The following WWOX variants were observed in gnomAD, a reference collection of about 807,000 sequenced individuals.
WWOX encodes the protein WW domain containing oxidoreductase.
Under a neutral mutation model 46.2 loss-of-function variants are expected in WWOX, and 69 were observed. The observed-to-expected ratio is 1.49, with a 90% CI of 1.23 to 1.82. The LOEUF is 1.82. Among genes scored for constraint, WWOX ranks in the 40% most tolerant of loss-of-function variants. WWOX has a pLI of 0.00. For missense variants in WWOX, 919 were observed against 542.6 expected, an observed-to-expected ratio of 1.69 and a Z score of -6.89; for synonymous variants, 359 against 202.6, an observed-to-expected ratio of 1.77 and a Z score of -6.56.
rs1262275069 is a variant in WWOX at position 78,425,000 on chromosome 16, G to A, written c.736G>A (p.Val246Ile). ...HFYLVQLLQD[V>I]LCRSAPARVI... is the part of the protein sequence containing the mutation. ...CTACCTTGTCCAGCTCCTCCAGGAT[G>A]TTTTGTGCCGCTCAGCTCCTGCCCG... Residue 246 changes from valine to isoleucine, a missense_variant, in exon 7 of 9, where the codon GTT (valine) becomes ATT (isoleucine). Transcript: ENST00000566780. 1.2e-6 allele frequency: 2 copies of A among 1,614,132 alleles called. No homozygotes were observed. The highest frequency in any genetic ancestry group is 1.7e-6 in the Non-Finnish European group (2 of 1,180,024).
At chr16:79,007,884 G>T (rs1033003201) in intron 8 of WWOX, among the ~76,000 whole-genome samples, 2 of 152,162 alleles carry the variant, frequency 1.3e-5, no homozygotes, top group African/African-American at 4.8e-5. Flanking sequence ...AAAGCACTGT[G>T]CATGCAAATG....
intron 8 of WWOX, among the ~76,000 whole-genome samples, chr16:79,157,001 G>C (rs8048787): frequency 0.21 from 32,049 of 152,068 alleles, 7,315 homozygotes; most frequent in African/African-American, 0.58. Context: ...GGCCCTTGTT[G>C]TAGAAGAATG....
intron 5 of WWOX, among the ~76,000 whole-genome samples, chr16:78,299,396 A>C (rs530966576): frequency 6.6e-6 from 1 of 152,162 alleles, no homozygotes; most frequent in Non-Finnish European, 1.5e-5. Flanking sequence ...AATGAAAACA[A>C]CCAAGAATAG....
intron 8 of WWOX, chr16:78,891,115 T>A (rs989033268): frequency 6.6e-6 from 1 of 152,208 alleles, no homozygotes; most frequent in Non-Finnish European, 1.5e-5. Context: ...AGATAATTTT[T>A]CTCAAAACTG....
chr16:78,107,068 T>C (rs993018246), intron 1 of WWOX, among the ~76,000 whole-genome samples: 2 of 152,256 alleles, frequency 1.3e-5, no homozygotes, highest in Non-Finnish European at 1.5e-5. Flanking sequence ...ATTCGTGCTC[T>C]CTGTATTTAT....
intron 8 of WWOX, among the ~76,000 whole-genome samples, chr16:79,103,860 G>A (rs2049251945): frequency 6.6e-6 from 1 of 152,240 alleles, no homozygotes. Context: ...ACATCTGCCT[G>A]TAGATACACT....
chr16:78,982,413 G>T (rs113819059), intron 8 of WWOX, among the ~76,000 whole-genome samples: 235 of 152,282 alleles, frequency 1.5e-3, no homozygotes, highest in African/African-American at 5.2e-3. Context: ...TGGTAAGCTG[G>T]CCCCAACCAA....
intron 8 of WWOX, among the ~76,000 whole-genome samples, chr16:78,720,148 C>A (rs535886170): frequency 1.3e-5 from 2 of 152,220 alleles, no homozygotes; most frequent in African/African-American, 4.8e-5. Flanking sequence ...TCCTTCTTGC[C>A]CTAATTTTAA....
At chr16:78,835,732 G>T (rs1308414409) in intron 8 of WWOX, among the ~76,000 whole-genome samples, 1 of 152,176 alleles carries the variant, frequency 6.6e-6, no homozygotes, top group African/African-American at 2.4e-5. Flanking sequence ...AGCAAACTAG[G>T]CTCCAGGGAG....
intron 8 of WWOX, among the ~76,000 whole-genome samples, chr16:78,967,796 G>A (rs560117443): frequency 1.3e-5 from 2 of 152,212 alleles, no homozygotes; most frequent in Admixed American, 6.5e-5. Context: ...AATCTTTGGG[G>A]TGTGTAAGAG....
At chr16:78,722,521 T>C (rs527833622) in intron 8 of WWOX, among the ~76,000 whole-genome samples, 2 of 152,310 alleles carry the variant, frequency 1.3e-5, no homozygotes, top group Non-Finnish European at 2.9e-5. Flanking sequence ...GATCATATTT[T>C]ATTTCATGGA....
intron 8 of WWOX, among the ~76,000 whole-genome samples, chr16:79,003,518 G>C (rs1398483355): frequency 6.6e-6 from 1 of 152,216 alleles, no homozygotes; most frequent in African/African-American, 2.4e-5. Context: ...ACTCTGGATA[G>C]GGTTTGGCTG....
At chr16:78,475,322 G>A (rs910646840) in intron 8 of WWOX, among the ~76,000 whole-genome samples, 1 of 152,132 alleles carries the variant, frequency 6.6e-6, no homozygotes, top group Non-Finnish European at 1.5e-5. Flanking sequence ...GGCTCTCCTT[G>A]TTCACCCAGA....
chr16:78,345,710 A>C lies in WWOX; in HGVS notation c.517-41150A>C. 1.8e-5 allele frequency among the ~76,000 whole-genome samples: 2 copies of C among 113,684 alleles called. 1 individual carries two copies. The highest frequency in any genetic ancestry group is 4.1e-5 in the Non-Finnish European group (2 of 48,424). 74.6% of individuals were successfully genotyped at this position (113,684 alleles called of 152,430 possible). A position where few individuals can be genotyped will look rare whatever the true frequency, so the allele number is the denominator to read the frequency against. On this transcript the variant is annotated intron_variant, in intron 5 of 8. Transcript: ENST00000566780. ...CCCTTATACAGTTTGTGATATGGGT[A>C]CACACTCAGTGAAATGGCCATTAAT...
chr16:78,583,684 G>A (rs568926326), intron 8 of WWOX, among the ~76,000 whole-genome samples: 1 of 152,180 alleles, frequency 6.6e-6, no homozygotes, highest in African/African-American at 2.4e-5. Flanking sequence ...GGGTTGGGGG[G>A]GTTGCTTGGC....
chr16:78,580,280 C>T (rs2045015876), intron 8 of WWOX, among the ~76,000 whole-genome samples: 1 of 151,990 alleles, frequency 6.6e-6, no homozygotes, highest in Non-Finnish European at 1.5e-5. Context: ...CACTATGTTG[C>T]CCAGGCTGAC....
chr16:78,165,093 A>T, intron 5 of WWOX, among the ~76,000 whole-genome samples: 1 of 152,130 alleles, frequency 6.6e-6, no homozygotes, highest in Non-Finnish European at 1.5e-5. Flanking sequence ...GCTGGAGATG[A>T]ATGGAGTGGG....
chr16:78,888,766 C>T (rs1170891955), intron 8 of WWOX, among the ~76,000 whole-genome samples: 1 of 152,102 alleles, frequency 6.6e-6, no homozygotes, highest in African/African-American at 2.4e-5. Context: ...AGGGTTAGTT[C>T]TATGACCTTT....
At chr16:79,158,753 T>A (rs11150138) in intron 8 of WWOX, among the ~76,000 whole-genome samples, 9,038 of 152,300 alleles carry the variant, frequency 0.059, 379 homozygotes, top group African/African-American at 0.11. Context: ...AACTCTCCAG[T>A]CTAAAGAAGC....
Sources: gnomAD v4.1 joint callset for allele counts (sites outside exome capture counted in the v4.1 genomes callset) on GRCh38, gnomAD v4.1.1 for gene constraint, MANE v1.5 for transcripts, NCBI Gene and HGNC (gene_info 2026-07-23, HGNC 2026-07-21) for gene names.